CPQ: variants seen among roughly 807,000 people sequenced by gnomAD.
The protein encoded by CPQ is Ser-Met dipeptidase.
CPQ carries 37 observed loss-of-function variants against 45.7 expected under a neutral mutation model. That is an observed-to-expected ratio of 0.81 (90% CI 0.62 to 1.07). The LOEUF (loss-of-function observed/expected upper bound fraction) is 1.07, where lower values mean the gene tolerates loss of function less well. Ranked by LOEUF, CPQ falls within the 50% of genes least tolerant of loss-of-function variation. CPQ has a pLI of 0.00. For synonymous variants in CPQ, 186 were observed against 205.8 expected, an observed-to-expected ratio of 0.90 and a Z score of 0.82; for missense variants, 537 against 572.9, an observed-to-expected ratio of 0.94 and a Z score of 0.64.
chr8:96,897,880 C>T (rs1376201150), intron 4 of CPQ, among the ~76,000 whole-genome samples: 1 of 152,104 alleles, frequency 6.6e-6, no homozygotes, highest in Non-Finnish European at 1.5e-5. Context: ...GTTAGAGCTT[C>T]CCTTTTAATT....
intron 1 of CPQ, among the ~76,000 whole-genome samples, chr8:96,649,707 A>T (rs1369535374): frequency 6.6e-6 from 1 of 152,202 alleles, no homozygotes; most frequent in East Asian, 1.9e-4. Context: ...CTGTGCTGTG[A>T]TGTCACACAG....
chr8:97,041,297 G>T (rs867749648), intron 6 of CPQ, among the ~76,000 whole-genome samples: 2 of 152,146 alleles, frequency 1.3e-5, no homozygotes, highest in Middle Eastern at 3.4e-3. Flanking sequence ...TCTGTTATTG[G>T]TGTATAAGAA....
intron 7 of CPQ, among the ~76,000 whole-genome samples, chr8:97,109,886 TC>T (rs1165625099): frequency 6.6e-6 from 1 of 152,000 alleles, no homozygotes; most frequent in Non-Finnish European, 1.5e-5. Flanking sequence ...TTCTTTGCCT[TC>T]CCCCCAAAAA....
intron 5 of CPQ, among the ~76,000 whole-genome samples, chr8:96,995,847 A>C (rs1809170904): frequency 6.6e-6 from 1 of 151,998 alleles, no homozygotes; most frequent in African/African-American, 2.4e-5. Context: ...CACCAGTCAG[A>C]ATGGCTGTTA....
chr8:97,088,047 A>G (rs570784774), intron 7 of CPQ, among the ~76,000 whole-genome samples: 10 of 152,334 alleles, frequency 6.6e-5, no homozygotes, highest in Non-Finnish European at 1.3e-4. Flanking sequence ...AAGAGAAACA[A>G]GAAAGAGAAT....
At chr8:96,901,816 A>G (rs1214059020) in intron 4 of CPQ, among the ~76,000 whole-genome samples, 56 of 152,172 alleles carry the variant, frequency 3.7e-4, no homozygotes, top group Non-Finnish European at 2.9e-5. Context: ...GCCAAGTGAC[A>G]TTGCTGTGTG....
chr8:96,869,527 G>A (rs1812038758), intron 3 of CPQ, among the ~76,000 whole-genome samples: 1 of 152,066 alleles, frequency 6.6e-6, no homozygotes, highest in South Asian at 2.1e-4. Context: ...CTACATTAGT[G>A]CCTTGCACAT....
At chr8:96,918,722 C>T (rs1340039872) in intron 4 of CPQ, among the ~76,000 whole-genome samples, 5 of 152,042 alleles carry the variant, frequency 3.3e-5, no homozygotes, top group Admixed American at 3.3e-4. Flanking sequence ...CTCACCTCAC[C>T]TCACCTTCCA....
chr8:97,060,674 T>C (rs757227254), intron 6 of CPQ, among the ~76,000 whole-genome samples: 6 of 152,096 alleles, frequency 3.9e-5, no homozygotes, highest in East Asian at 3.9e-4. Context: ...CCTCTAGAAG[T>C]TGGTTTCTTC....
chr8:97,049,611 C>T (rs1230907878), intron 6 of CPQ, among the ~76,000 whole-genome samples: 1 of 152,132 alleles, frequency 6.6e-6, no homozygotes, highest in Non-Finnish European at 1.5e-5. Flanking sequence ...AGAAGGTATT[C>T]AGTTCTCCAT....
intron 1 of CPQ, among the ~76,000 whole-genome samples, chr8:96,674,799 C>G (rs546708410): frequency 6.6e-6 from 1 of 151,938 alleles, no homozygotes; most frequent in Non-Finnish European, 1.5e-5. Flanking sequence ...TCTTTGGACA[C>G]GAAGGTAAAG....
chr8:96,673,089 G>A (rs1397687398), intron 1 of CPQ, among the ~76,000 whole-genome samples: 1 of 152,152 alleles, frequency 6.6e-6, no homozygotes, highest in Non-Finnish European at 1.5e-5. Context: ...AGCAGAGAAG[G>A]GGAATGGTAG....
chr8:97,131,836 A>T (rs1212481667), intron 7 of CPQ, among the ~76,000 whole-genome samples: 1 of 152,204 alleles, frequency 6.6e-6, no homozygotes, highest in African/African-American at 2.4e-5. Context: ...TAGGTTCCTA[A>T]GACTGATTCC....
chr8:96,854,269 C>T (rs1019228495), intron 3 of CPQ, among the ~76,000 whole-genome samples: 1 of 151,830 alleles, frequency 6.6e-6, no homozygotes, highest in South Asian at 2.1e-4. Context: ...CGGTGGCTCA[C>T]GCCTGTAATC....
chr8:96,959,865 C>T (rs1813423634), intron 4 of CPQ, among the ~76,000 whole-genome samples: 1 of 137,396 alleles, frequency 7.3e-6, no homozygotes, highest in South Asian at 2.3e-4. Context: ...AAGACAGCTG[C>T]TGCAATTTTT....
At chr8:96,841,064 C>T (rs75817146) in intron 3 of CPQ, among the ~76,000 whole-genome samples, 2 of 152,120 alleles carry the variant, frequency 1.3e-5, no homozygotes, top group East Asian at 3.9e-4. Flanking sequence ...GTTGCCTATT[C>T]GAGTCCTGTA....
chr8:97,030,210 G>A (rs1809876925), intron 6 of CPQ, among the ~76,000 whole-genome samples: 1 of 152,220 alleles, frequency 6.6e-6, no homozygotes, highest in Admixed American at 6.5e-5. Flanking sequence ...GCATATGCTG[G>A]CAAGCAGTGA....
At chr8:96,823,102 T>G (rs1478309310) in intron 2 of CPQ, among the ~76,000 whole-genome samples, 2 of 151,940 alleles carry the variant, frequency 1.3e-5, no homozygotes, top group Admixed American at 6.6e-5. Context: ...GTGACCAGGA[T>G]AAAGACATGC....
intron 1 of CPQ, among the ~76,000 whole-genome samples, chr8:96,647,582 C>A (rs1815532224): frequency 6.6e-6 from 1 of 152,126 alleles, no homozygotes; most frequent in South Asian, 2.1e-4. Context: ...AGAAACAAGA[C>A]AATCCTGCCA....
Sources: gnomAD v4.1 joint callset for allele counts (sites outside exome capture counted in the v4.1 genomes callset) on GRCh38, gnomAD v4.1.1 for gene constraint, MANE v1.5 for transcripts, NCBI Gene and HGNC (gene_info 2026-07-23, HGNC 2026-07-21) for gene names.